HERPUD2: variants seen among roughly 807,000 people sequenced by gnomAD.
HERPUD2 encodes homocysteine-responsive endoplasmic reticulum-resident ubiquitin-like domain member 2 protein.
A neutral mutation model predicts 49.9 loss-of-function variants in HERPUD2; 13 were observed. The observed-to-expected ratio is 0.26, with a 90% CI of 0.17 to 0.41. The LOEUF (loss-of-function observed/expected upper bound fraction) is 0.41. Ranked by LOEUF, HERPUD2 falls within the 10% of genes least tolerant of loss-of-function variation. HERPUD2 has a pLI of 1.00. For missense variants in HERPUD2, 449 were observed against 492.2 expected (o/e 0.91, Z 0.83); for synonymous variants, 172 against 171.4 (o/e 1.00, Z -0.03).
intron 2 of HERPUD2, among the ~76,000 whole-genome samples, chr7:35,676,306 T>C (rs1234829679): frequency 6.6e-6 from 1 of 152,242 alleles, no homozygotes; most frequent in Non-Finnish European, 1.5e-5. Flanking sequence ...GTAGTTCCTA[T>C]ACAATGTAGT....
intron 5 of HERPUD2, among the ~76,000 whole-genome samples, chr7:35,653,757 A>G (rs1785216349): frequency 6.6e-6 from 1 of 152,244 alleles, no homozygotes; most frequent in Non-Finnish European, 1.5e-5. Context: ...AACAAGAGAA[A>G]CTTTGGAAAC....
intron 5 of HERPUD2, among the ~76,000 whole-genome samples, chr7:35,646,818 C>A (rs1562670607): frequency 1.3e-5 from 2 of 152,166 alleles, no homozygotes; most frequent in South Asian, 2.1e-4. Flanking sequence ...AATAAACAAG[C>A]TGGAGGAAAT....
chr7:35,658,244 C>T (rs1583551282), intron 5 of HERPUD2, among the ~76,000 whole-genome samples: 1 of 152,142 alleles, frequency 6.6e-6, no homozygotes, highest in South Asian at 2.1e-4. Context: ...ACACATATTT[C>T]ATATTCTCAC....
At chr7:35,639,316 G>A (rs1252859721) in intron 5 of HERPUD2, among the ~76,000 whole-genome samples, 2 of 152,142 alleles carry the variant, frequency 1.3e-5, no homozygotes, top group Non-Finnish European at 2.9e-5. Flanking sequence ...TTACAGACAT[G>A]AGCCACTGCG....
At chr7:35,674,479 C>G (rs1265407261) in intron 2 of HERPUD2, among the ~76,000 whole-genome samples, 1 of 123,620 alleles carries the variant, frequency 8.1e-6, no homozygotes, top group African/African-American at 3.1e-5. Flanking sequence ...ACTGTGGTAT[C>G]GTAAAATGTA....
intron 2 of HERPUD2, among the ~76,000 whole-genome samples, chr7:35,679,339 T>C (rs1325630704): frequency 6.6e-6 from 1 of 152,212 alleles, no homozygotes; most frequent in Non-Finnish European, 1.5e-5. Flanking sequence ...ACTGAAGTAG[T>C]ATGACTAGTA....
intron 2 of HERPUD2, among the ~76,000 whole-genome samples, chr7:35,689,731 G>C (rs1583574723): frequency 6.6e-6 from 1 of 152,282 alleles, no homozygotes; most frequent in Non-Finnish European, 1.5e-5. Context: ...ATAAGAAAAT[G>C]ACTGCTTTGG....
chr7:35,663,240 T>C (rs535240921), intron 5 of HERPUD2, among the ~76,000 whole-genome samples: 2 of 152,248 alleles, frequency 1.3e-5, no homozygotes, highest in African/African-American at 2.4e-5. Flanking sequence ...AGAGACAGTT[T>C]GTTATAATTT....
At chr7:35,692,135 A>G (rs1786204690) in intron 2 of HERPUD2, among the ~76,000 whole-genome samples, 1 of 152,252 alleles carries the variant, frequency 6.6e-6, no homozygotes, top group Admixed American at 6.5e-5. Context: ...TACAGGAGGC[A>G]GGCAGTTTGG....
chr7:35,643,996 C>T (rs1422517468), intron 5 of HERPUD2, among the ~76,000 whole-genome samples: 4 of 151,786 alleles, frequency 2.6e-5, no homozygotes, highest in Admixed American at 2.0e-4. Context: ...CTTACAAAAG[C>T]GGAAATAGTA....
At chr7:35,662,411 C>T (rs370176158) in intron 5 of HERPUD2, among the ~76,000 whole-genome samples, 1 of 152,324 alleles carries the variant, frequency 6.6e-6, no homozygotes, top group East Asian at 1.9e-4. Flanking sequence ...GGAGGATCCC[C>T]TCTTTTTCTA....
rs182973179 is a variant in HERPUD2 at position 35,647,810 on chromosome 7, G to A, written c.495-9338C>T. ...GTCTCATTCTCCTCATCCATAAGTG[G>A]CAGATAACAGTGCTGAGACCAGAGT... On this transcript the variant is annotated intron_variant, in intron 5 of 8. Transcript: ENST00000311350. 1.2e-4 allele frequency among the ~76,000 whole-genome samples: 18 copies of A among 152,272 alleles called. 1 individual carries two copies. In the East Asian group the frequency reaches 3.1e-3, roughly 26 times the overall value.
intron 2 of HERPUD2, among the ~76,000 whole-genome samples, chr7:35,683,919 C>T (rs895319224): frequency 4.6e-5 from 7 of 152,220 alleles, no homozygotes; most frequent in East Asian, 3.9e-4. Context: ...TAGATGTTGG[C>T]GTGGCAGCGG....
At chr7:35,673,100 TTTAAG>T (rs1440361955) in intron 3 of HERPUD2, 96 bp downstream of exon 3, 2 of 798,738 alleles carry the variant, frequency 2.5e-6, no homozygotes, top group East Asian at 5.0e-5. Flanking sequence ...AGGGATTGAT[TTTAAG>T]TATCTAAAAA....
At chr7:35,643,709 G>T (rs1026739719) in intron 5 of HERPUD2, among the ~76,000 whole-genome samples, 3 of 150,946 alleles carry the variant, frequency 2.0e-5, no homozygotes, top group African/African-American at 7.3e-5. Context: ...GAAAGGAAGA[G>T]AACAAGATGA....
intron 2 of HERPUD2, among the ~76,000 whole-genome samples, chr7:35,676,087 C>A (rs1199810873): frequency 6.6e-6 from 1 of 152,070 alleles, no homozygotes; most frequent in Non-Finnish European, 1.5e-5. Context: ...TCCCACTTGC[C>A]CAAAAATGCT....
At chr7:35,642,483 C>A (rs1364826913) in intron 5 of HERPUD2, among the ~76,000 whole-genome samples, 4 of 152,126 alleles carry the variant, frequency 2.6e-5, no homozygotes, top group Non-Finnish European at 4.4e-5. Flanking sequence ...AAATATAAAT[C>A]ATTCTATCAT....
intron 2 of HERPUD2, among the ~76,000 whole-genome samples, chr7:35,688,546 C>T (rs1041642056): frequency 6.6e-6 from 1 of 152,148 alleles, no homozygotes; most frequent in African/African-American, 2.4e-5. Context: ...AAGATATGTG[C>T]GCTGCAGTCT....
intron 5 of HERPUD2, among the ~76,000 whole-genome samples, chr7:35,638,738 C>T (rs771131334): frequency 1.3e-5 from 2 of 152,200 alleles, no homozygotes; most frequent in Non-Finnish European, 2.9e-5. Context: ...TACATCCAAT[C>T]TAAACATTTA....
Sources: allele counts gnomAD v4.1 joint callset (sites outside exome capture counted in the v4.1 genomes callset), GRCh38; gene constraint gnomAD v4.1.1; transcripts MANE v1.5; gene names NCBI Gene and HGNC (gene_info 2026-07-23, HGNC 2026-07-21).